DMD: variants seen among roughly 807,000 people sequenced by gnomAD.
The protein encoded by DMD is dystrophin, also known as mutant dystrophin.
DMD carries 63 observed loss-of-function variants against 330.1 expected under a neutral mutation model. That is an observed-to-expected ratio of 0.19 (90% CI 0.16 to 0.24). The LOEUF (loss-of-function observed/expected upper bound fraction) is 0.24. DMD is among the 10% of genes least tolerant of loss of function. DMD has a pLI of 1.00. For synonymous variants in DMD, 1,223 were observed against 959.8 expected (o/e 1.27, Z -5.07); for missense variants, 3,344 against 2,684.1 (o/e 1.25, Z -5.43).
chrX:32,294,091 T>TG (rs1224590650), intron 42 of DMD, among the ~76,000 whole-genome samples: 1 of 111,730 alleles, frequency 9.0e-6, no homozygotes, highest in Non-Finnish European at 1.9e-5. Context: ...TTGCCTGACC[T>TG]GGGCAGCCTG....
intron 44 of DMD, among the ~76,000 whole-genome samples, chrX:32,095,894 C>T (rs749300313): frequency 1.9e-4 from 17 of 87,854 alleles, no homozygotes; most frequent in African/African-American, 6.2e-4. Context: ...CTTTCTACTA[C>T]AGTTGATTAT....
chrX:31,163,721 C>T (rs2039117056), intron 74 of DMD, among the ~76,000 whole-genome samples: 1 of 111,539 alleles, frequency 9.0e-6, no homozygotes, highest in African/African-American at 3.3e-5. Context: ...TCCTCCCATA[C>T]TTTAGTTCCC....
At chrX:33,247,995 G>A (rs2052697228) in intron 1 of DMD, among the ~76,000 whole-genome samples, 1 of 111,593 alleles carries the variant, frequency 9.0e-6, no homozygotes, top group Admixed American at 9.6e-5. Context: ...TAAGACTCAT[G>A]CTCATAATGG....
chrX:31,587,744 C>G (rs138645170), intron 55 of DMD, among the ~76,000 whole-genome samples: 2,176 of 111,332 alleles, frequency 0.02, 51 homozygotes, highest in African/African-American at 0.063. Context: ...TTTCTTGGTA[C>G]ATGGACCTCT....
intron 44 of DMD, among the ~76,000 whole-genome samples, chrX:32,177,895 T>C (rs1324433647): frequency 9.0e-6 from 1 of 111,207 alleles, no homozygotes; most frequent in East Asian, 2.8e-4. Flanking sequence ...AGCCAGATTA[T>C]AAATGCTTTG....
chrX:32,902,904 C>A (rs2086393806), intron 2 of DMD, among the ~76,000 whole-genome samples: 1 of 109,336 alleles, frequency 9.1e-6, no homozygotes, highest in African/African-American at 3.4e-5. Flanking sequence ...CACCTGTAAT[C>A]CCAGCACTTT....
At chrX:33,257,850 A>G (rs1332056095) in intron 1 of DMD, among the ~76,000 whole-genome samples, 1 of 110,640 alleles carries the variant, frequency 9.0e-6, no homozygotes, top group Non-Finnish European at 1.9e-5. Flanking sequence ...AAATCACCCT[A>G]TCACTGAAGG....
intron 52 of DMD, among the ~76,000 whole-genome samples, chrX:31,712,100 C>G (rs1203098262): frequency 9.0e-6 from 1 of 111,374 alleles, no homozygotes. Context: ...CTGGAATTCT[C>G]TGAATAATTA....
intron 59 of DMD, among the ~76,000 whole-genome samples, chrX:31,469,275 C>CTT (rs1359830324): frequency 1.8e-5 from 2 of 111,736 alleles, no homozygotes; most frequent in Non-Finnish European, 3.8e-5. Context: ...ATGGTCTTTA[C>CTT]AATTTGTTAT....
At chrX:32,297,334 C>T (rs1033689041) in intron 42 of DMD, among the ~76,000 whole-genome samples, 8 of 108,564 alleles carry the variant, frequency 7.4e-5, no homozygotes, top group South Asian at 4.0e-4. Flanking sequence ...AATGCAGTGG[C>T]GCAATCTCTG....
At chrX:32,711,592 T>A (rs2065196744) in intron 7 of DMD, among the ~76,000 whole-genome samples, 1 of 112,140 alleles carries the variant, frequency 8.9e-6, no homozygotes, top group Non-Finnish European at 1.9e-5. Flanking sequence ...AATCTCTCAC[T>A]TTTAAACATT....
intron 7 of DMD, among the ~76,000 whole-genome samples, chrX:32,801,040 C>A (rs148153788): frequency 9.0e-6 from 1 of 111,143 alleles, no homozygotes; most frequent in African/African-American, 3.3e-5. Context: ...TGGGTATATA[C>A]CCAGTGATGG....
At chrX:32,022,051 T>C (rs1466200703) in intron 44 of DMD, among the ~76,000 whole-genome samples, 1 of 111,781 alleles carries the variant, frequency 8.9e-6, no homozygotes, top group Non-Finnish European at 1.9e-5. Context: ...AAGTAAGTCA[T>C]TTTTTTTAAA....
chrX:31,337,869 G>A (rs1399008630), intron 61 of DMD, among the ~76,000 whole-genome samples: 1 of 111,864 alleles, frequency 8.9e-6, no homozygotes, highest in Admixed American at 9.5e-5. Flanking sequence ...TTCCATGTAA[G>A]TCCGTGACGA....
At chrX:33,115,791 G>T (rs1271416604) in intron 1 of DMD, among the ~76,000 whole-genome samples, 1 of 110,622 alleles carries the variant, frequency 9.0e-6, no homozygotes, top group Non-Finnish European at 1.9e-5. Flanking sequence ...TTACAGGCGT[G>T]AGCCACTGCG....
chrX:32,404,752 A>C (rs2098107874), intron 30 of DMD, among the ~76,000 whole-genome samples: 1 of 111,950 alleles, frequency 8.9e-6, no homozygotes, highest in Non-Finnish European at 1.9e-5. Flanking sequence ...GTAGCTATTT[A>C]AACATAGTTG....
At chrX:32,803,671 C>T (rs1277905087) in intron 7 of DMD, among the ~76,000 whole-genome samples, 1 of 111,932 alleles carries the variant, frequency 8.9e-6, no homozygotes, top group East Asian at 2.8e-4. Context: ...TGTTTGTTCT[C>T]ATTGGTTTCA....
At chrX:31,476,420 T>TATACACACACAC (rs1226600532) in intron 59 of DMD, among the ~76,000 whole-genome samples, 1 of 91,953 alleles carries the variant, frequency 1.1e-5, no homozygotes, top group African/African-American at 4.2e-5. Flanking sequence ...TATATATATA[T>TATACACACACAC]ACACACACAC....
chrX:32,634,267 G>A (rs750734546), intron 11 of DMD, among the ~76,000 whole-genome samples: 29 of 111,841 alleles, frequency 2.6e-4, no homozygotes, highest in Non-Finnish European at 4.3e-4. Context: ...TAAGAAAATG[G>A]AATCCAGGAG....
Sources: allele counts gnomAD v4.1 joint callset (sites outside exome capture counted in the v4.1 genomes callset), GRCh38; gene constraint gnomAD v4.1.1; transcripts MANE v1.5; gene names NCBI Gene and HGNC (gene_info 2026-07-23, HGNC 2026-07-21).